The following ACSL4 variants were observed in gnomAD, a reference collection of about 807,000 sequenced individuals.
ACSL4 encodes the protein acyl-CoA synthetase long chain family member 4.
A neutral mutation model predicts 49.1 loss-of-function variants in ACSL4; 9 were observed. The ratio of observed to expected loss-of-function variants is 0.18; its 90% CI spans 0.11 to 0.32. The LOEUF is 0.32. ACSL4 is among the 10% of genes least tolerant of loss of function. The pLI is 1.00. For synonymous variants in ACSL4, 191 were observed against 170.3 expected, an observed-to-expected ratio of 1.12 and a Z score of -0.95; for missense variants, 333 against 493.7, an observed-to-expected ratio of 0.67 and a Z score of 3.08.
chrX:109,720,844 T>C (rs182225923), intron 1 of ACSL4, among the ~76,000 whole-genome samples: 10 of 112,326 alleles, frequency 8.9e-5, no homozygotes, highest in African/African-American at 3.2e-4. Flanking sequence ...AATATTCCAC[T>C]AAAGACTTTA....
At chrX:109,687,518 T>C (rs1414538340) in intron 2 of ACSL4, among the ~76,000 whole-genome samples, 3 of 111,270 alleles carry the variant, frequency 2.7e-5, no homozygotes, top group Non-Finnish European at 5.7e-5. Flanking sequence ...CAAGTGGAAG[T>C]TGAACAATGA....
intron 15 of ACSL4, among the ~76,000 whole-genome samples, chrX:109,656,583 A>G (rs926267017): frequency 9.0e-6 from 1 of 110,715 alleles, no homozygotes; most frequent in African/African-American, 3.3e-5. Context: ...CTTTAGAAAA[A>G]TGGAGACGAA....
chrX:109,693,910 A>ATG (rs750910084), intron 2 of ACSL4, among the ~76,000 whole-genome samples: 6 of 110,872 alleles, frequency 5.4e-5, no homozygotes, highest in African/African-American at 1.6e-4. Context: ...ATAAATATGT[A>ATG]TGTGTGTGTG....
At chrX:109,700,761 AGGGCTGG>A (rs1925853598) in intron 1 of ACSL4, among the ~76,000 whole-genome samples, 1 of 110,657 alleles carries the variant, frequency 9.0e-6, no homozygotes, top group African/African-American at 3.3e-5. Context: ...AAAAATATTC[AGGGCTGG>A]GCACGGTGGC....
intron 2 of ACSL4, among the ~76,000 whole-genome samples, chrX:109,695,022 G>A (rs188856466): frequency 1.8e-5 from 2 of 111,001 alleles, no homozygotes; most frequent in Non-Finnish European, 3.8e-5. Flanking sequence ...AATAAGCTTC[G>A]GCACAAGTAT....
intron 1 of ACSL4, among the ~76,000 whole-genome samples, chrX:109,723,493 C>G (rs1927722125): frequency 9.0e-6 from 1 of 111,554 alleles, no homozygotes; most frequent in South Asian, 3.7e-4. Context: ...CTCCCCCTCT[C>G]TTCCCCTGCT....
At chrX:109,709,586 C>T (rs1430415597) in intron 1 of ACSL4, among the ~76,000 whole-genome samples, 1 of 112,747 alleles carries the variant, frequency 8.9e-6, no homozygotes, top group African/African-American at 3.2e-5. Context: ...TGCAATAACC[C>T]CAACAGGGTC....
At chrX:109,701,321 A>C (rs1385987576) in intron 1 of ACSL4, among the ~76,000 whole-genome samples, 1 of 105,035 alleles carries the variant, frequency 9.5e-6, no homozygotes, top group Non-Finnish European at 1.9e-5. Flanking sequence ...GGTTCAAGCG[A>C]TTCTCCTGCC....
intron 15 of ACSL4, among the ~76,000 whole-genome samples, chrX:109,648,787 GC>G (rs1229652883): frequency 2.0e-5 from 2 of 100,829 alleles, no homozygotes; most frequent in Admixed American, 2.2e-4. Flanking sequence ...CATTGTCTCA[GC>G]CCAAAATCTC....
intron 1 of ACSL4, among the ~76,000 whole-genome samples, chrX:109,730,551 A>G (rs1430533327): frequency 8.9e-6 from 1 of 112,237 alleles, no homozygotes; most frequent in East Asian, 2.8e-4. Flanking sequence ...CCATCAGCCC[A>G]AAGTATAAAC....
At chrX:109,703,972 T>C (rs1053238552) in intron 1 of ACSL4, among the ~76,000 whole-genome samples, 2 of 111,484 alleles carry the variant, frequency 1.8e-5, no homozygotes, top group Non-Finnish European at 1.9e-5. Flanking sequence ...AGATAAATAT[T>C]GTGGGGTTTT....
Position 109,696,701 on chromosome X carries a change from CT to C in ACSL4, c.-65-506del, listed in dbSNP as rs1415810088. ...GGTAGAAACCTAAATATATTTCCATCTTTTTTCAATTTGTAAACACATCATT... is the reference window on the plus strand; with the variant it reads ...GGTAGAAACCTAAATATATTTCCATCTTTTTCAATTTGTAAACACATCATT... On this transcript the variant is annotated intron_variant, in intron 1 of 15. Transcript: ENST00000672401. 1.2e-4 allele frequency among the ~76,000 whole-genome samples: 14 copies of C among 112,675 alleles called. 3 individuals carry two copies. The highest frequency in any genetic ancestry group is 1.1e-3 in the South Asian group (3 of 2,780).
chrX:109,671,945 C>T (rs1369885462), intron 9 of ACSL4, among the ~76,000 whole-genome samples: 5 of 109,402 alleles, frequency 4.6e-5, no homozygotes, highest in Non-Finnish European at 7.6e-5. Context: ...CTGCGGAAGG[C>T]GGCAGGGCCC....
intron 15 of ACSL4, among the ~76,000 whole-genome samples, chrX:109,647,327 C>T (rs1179705738): frequency 8.9e-6 from 1 of 112,112 alleles, no homozygotes; most frequent in Non-Finnish European, 1.9e-5. Context: ...AACTGTCTCT[C>T]AGACCACAGT....
rs747949161 is a variant in ACSL4 at position 109,687,638 on chromosome X, A to G, written c.-12-4263T>C. Reference sequence around the variant, plus strand: ...AATACCTAACGTAGATGATGGGTTGATGGGTGCAGCAAACCACCATGGCAC... The same window carrying G: ...AATACCTAACGTAGATGATGGGTTGGTGGGTGCAGCAAACCACCATGGCAC... On this transcript the variant is annotated intron_variant, in intron 2 of 15. Coordinates refer to ENST00000672401, the MANE Select transcript of ACSL4 (RefSeq NM_001318510.2). 1.3e-4 allele frequency among the ~76,000 whole-genome samples: 15 copies of G among 111,813 alleles called. 3 individuals are homozygous for G. The South Asian group carries it at 1.5e-3, about 11-fold the overall frequency.
intron 1 of ACSL4, among the ~76,000 whole-genome samples, chrX:109,728,440 A>T (rs1928175145): frequency 8.9e-6 from 1 of 112,725 alleles, no homozygotes; most frequent in Non-Finnish European, 1.9e-5. Context: ...TTGCCAAAAT[A>T]TTTTTAATTT....
chrX:109,688,723 C>A (rs1222780969), intron 2 of ACSL4, among the ~76,000 whole-genome samples: 2 of 111,559 alleles, frequency 1.8e-5, no homozygotes, highest in African/African-American at 6.5e-5. Context: ...CAGCCTTTAA[C>A]ACAGCTGAGC....
intron 1 of ACSL4, among the ~76,000 whole-genome samples, chrX:109,726,890 T>G (rs1406764483): frequency 9.8e-6 from 1 of 101,704 alleles, no homozygotes; most frequent in Non-Finnish European, 2.0e-5. Context: ...GTTTTTTTTG[T>G]TTTTTTTTTA....
At chrX:109,681,438 G>C in intron 4 of ACSL4, 63 bp from the exon 5 acceptor site, 2 of 776,971 alleles carry the variant, frequency 2.6e-6, no homozygotes, top group Non-Finnish European at 3.9e-6. Flanking sequence ...GGATATTATT[G>C]AAGTCAGTCT....
Sources: allele counts gnomAD v4.1 joint callset (sites outside exome capture counted in the v4.1 genomes callset), GRCh38; gene constraint gnomAD v4.1.1; transcripts MANE v1.5; gene names NCBI Gene and HGNC (gene_info 2026-07-23, HGNC 2026-07-21).